TEX26: variants seen among roughly 807,000 people sequenced by gnomAD.
TEX26 encodes the protein testis expressed 26.
TEX26 carries 34 observed loss-of-function variants against 35.3 expected under a neutral mutation model. That is an observed-to-expected ratio of 0.96 (90% CI 0.73 to 1.28). The LOEUF (loss-of-function observed/expected upper bound fraction) is 1.28, where lower values mean the gene tolerates loss of function less well. Among genes scored for constraint, TEX26 ranks in the 50% most tolerant of loss-of-function variants. TEX26 has a pLI of 0.00. For synonymous variants in TEX26, 136 were observed against 111.8 expected, an observed-to-expected ratio of 1.22 and a Z score of -1.36; for missense variants, 371 against 330.1, an observed-to-expected ratio of 1.12 and a Z score of -0.96.
At chr13:30,953,175 G>C (rs1480895911) in intron 3 of TEX26, among the ~76,000 whole-genome samples, 1 of 152,096 alleles carries the variant, frequency 6.6e-6, no homozygotes, top group East Asian at 1.9e-4. Flanking sequence ...CCTAGAAGGA[G>C]ACCTCATACC....
At chr13:30,942,856 T>G (rs1953563985) in intron 2 of TEX26, among the ~76,000 whole-genome samples, 1 of 151,908 alleles carries the variant, frequency 6.6e-6, no homozygotes, top group Admixed American at 6.6e-5. Context: ...CTACTTTATT[T>G]TTTAAACCAG....
intron 6 of TEX26, among the ~76,000 whole-genome samples, chr13:30,969,877 A>G (rs1954658485): frequency 6.6e-6 from 1 of 152,140 alleles, no homozygotes; most frequent in Non-Finnish European, 1.5e-5. Flanking sequence ...TTATTCCTGT[A>G]CCCAGCTGAT....
intron 2 of TEX26, among the ~76,000 whole-genome samples, chr13:30,942,029 TG>T (rs1356475241): frequency 6.6e-6 from 1 of 152,160 alleles, no homozygotes; most frequent in Non-Finnish European, 1.5e-5. Flanking sequence ...AGATACCTAG[TG>T]GTGGCATTGC....
At chr13:30,936,382 T>C (rs1451218931) in intron 1 of TEX26, among the ~76,000 whole-genome samples, 1 of 152,242 alleles carries the variant, frequency 6.6e-6, no homozygotes, top group East Asian at 1.9e-4. Flanking sequence ...GGGCTATTTG[T>C]TGTGTCTCAT....
chr13:30,948,618 T>C (rs1175092842), intron 2 of TEX26, among the ~76,000 whole-genome samples: 2 of 152,208 alleles, frequency 1.3e-5, no homozygotes, highest in African/African-American at 4.8e-5. Context: ...TTGTTTGAGT[T>C]CATTGTAGAT....
intron 6 of TEX26, among the ~76,000 whole-genome samples, chr13:30,971,243 T>C (rs1312850560): frequency 1.3e-5 from 2 of 152,240 alleles, no homozygotes; most frequent in Non-Finnish European, 2.9e-5. Context: ...CTGATGCTTT[T>C]CAGCTGGTGA....
intron 1 of TEX26, among the ~76,000 whole-genome samples, chr13:30,939,375 A>G (rs1007804159): frequency 2.0e-5 from 3 of 152,252 alleles, no homozygotes; most frequent in African/African-American, 7.2e-5. Flanking sequence ...AAAACATAAT[A>G]GTAGGTCTCT....
At chr13:30,961,975 C>T (rs1420447695) in intron 4 of TEX26, among the ~76,000 whole-genome samples, 2 of 152,162 alleles carry the variant, frequency 1.3e-5, no homozygotes, top group Non-Finnish European at 1.5e-5. Context: ...CTTCCCAAAC[C>T]TCTCCTTAGA....
rs773578343 is a variant in TEX26, at chr13:30,939,703, C to G, written c.71C>G (p.Pro24Arg). 24 of 1,613,768 alleles carry G rather than the reference C, an allele frequency of 1.5e-5. No individual in the cohort carries two copies. Among genetic ancestry groups the G allele is most frequent in the Non-Finnish European group, 1.9e-5 (23 of 1,179,860 alleles). The change falls in exon 2 of 7, where the codon CCC becomes CGC. Residue 24 changes from proline (P) to arginine (R), a missense_variant. Physicochemically the swap from Pro to Arg is moderately radical, Grantham distance 103. Transcript: ENST00000380473. ...TTTATTGTACTTTTAGCAGATGACC[C>G]CAACTGGGATTCCTATGCTACCACT... ...CHHNLQPTDD[P>R]NWDSYATTMR...
At chr13:30,955,841 A>G (rs1470236251) in intron 3 of TEX26, among the ~76,000 whole-genome samples, 1 of 152,076 alleles carries the variant, frequency 6.6e-6, no homozygotes, top group Non-Finnish European at 1.5e-5. Flanking sequence ...CCCTCCCGTC[A>G]CAGCATGTGT....
chr13:30,932,803 C>A, intron 1 of TEX26, 27 bp downstream of exon 1: 1 of 1,609,500 alleles, frequency 6.2e-7, no homozygotes, highest in Non-Finnish European at 8.5e-7. Flanking sequence ...TGCCGGTCTG[C>A]GGGGCGGGGC....
chr13:30,949,407 T>C lies in TEX26; in HGVS notation c.147-3253T>C, dbSNP rs993910871. The stretch of plus-strand genomic sequence containing the variant: ...TAGTTGGTAAAATCAGTCCTTGTTG[T>C]TCAAATCAATAAGTAAAATCAGGTT... On this transcript the variant is annotated intron_variant, in intron 2 of 6. Coordinates refer to ENST00000380473, the MANE Select transcript of TEX26 (RefSeq NM_152325.3). 1.1e-4 allele frequency among the ~76,000 whole-genome samples: 16 copies of C among 152,148 alleles called. 1 individual carries two copies. Among genetic ancestry groups the C allele is most frequent in the African/African-American group, 3.4e-4 (14 of 41,450 alleles).
chr13:30,974,416 A>G (rs867409377), intron 6 of TEX26, among the ~76,000 whole-genome samples: 7 of 152,192 alleles, frequency 4.6e-5, no homozygotes, highest in Middle Eastern at 6.8e-3. Flanking sequence ...ACAACCATTT[A>G]TTGTTTTTGA....
At position 30,932,701 on chromosome 13, in the gene TEX26, G is replaced by T; in HGVS notation, c.-15G>T. ...TAGCTGGAGCCAGGGCCCCGCGGCC[G>T]CCTCCTGGGGCAGAATGGAACAGCC... On this transcript the variant is annotated 5_prime_UTR_variant, in exon 1 of 7. Transcript: ENST00000380473. 6.2e-7 allele frequency: 1 copy of T among 1,611,528 alleles called. No homozygotes were observed. The highest frequency in any genetic ancestry group is 8.5e-7 in the Non-Finnish European group (1 of 1,179,294).
At chr13:30,973,248 A>C (rs2138361524) in intron 6 of TEX26, 1 of 152,318 alleles carries the variant, frequency 6.6e-6, no homozygotes, top group African/African-American at 2.4e-5. Context: ...GAACCTCAAA[A>C]ACGTGCTGAA....
intron 2 of TEX26, among the ~76,000 whole-genome samples, chr13:30,948,443 G>A (rs888120007): frequency 1.1e-4 from 16 of 152,334 alleles, no homozygotes; most frequent in Middle Eastern, 3.4e-3. Context: ...TAACTGGTGT[G>A]AGATGGTATC....
intron 1 of TEX26, among the ~76,000 whole-genome samples, chr13:30,934,234 C>T (rs974600553): frequency 6.6e-5 from 10 of 152,212 alleles, no homozygotes; most frequent in African/African-American, 1.4e-4. Flanking sequence ...CAGGTGAATT[C>T]GCCCCTTTAC....
intron 5 of TEX26, among the ~76,000 whole-genome samples, chr13:30,967,115 T>G (rs1282697464): frequency 2.6e-5 from 4 of 152,226 alleles, no homozygotes; most frequent in Admixed American, 6.5e-5. Flanking sequence ...TATCCACATG[T>G]GCATCCCCTG....
chr13:30,975,081 G>A lies in TEX26; in HGVS notation c.*174G>A. The A allele has an allele frequency of 2.1e-6, 1 of 477,698 alleles. No individual in the cohort carries two copies. Among genetic ancestry groups the A allele is most frequent in the Non-Finnish European group, 3.6e-6 (1 of 278,798 alleles). The allele number at this position is 477,698 out of a possible 1,614,324, so 29.6% of individuals were successfully genotyped here. ...CTTTATTTTTAAACAATAAAATTAA[G>A]GCTACAAAATTTTCCCTGAACATAG... On this transcript the variant is annotated 3_prime_UTR_variant, in exon 7 of 7. Transcript: ENST00000380473.
Sources: gnomAD v4.1 joint callset for allele counts (sites outside exome capture counted in the v4.1 genomes callset) on GRCh38, gnomAD v4.1.1 for gene constraint, MANE v1.5 for transcripts, NCBI Gene and HGNC (gene_info 2026-07-23, HGNC 2026-07-21) for gene names.